AGXT2: variants seen among roughly 807,000 people sequenced by gnomAD.
The protein encoded by AGXT2 is alanine--glyoxylate aminotransferase 2, mitochondrial.
A neutral mutation model predicts 62.5 loss-of-function variants in AGXT2; 61 were observed. The ratio of observed to expected loss-of-function variants is 0.98; its 90% confidence interval spans 0.79 to 1.21. The LOEUF (loss-of-function observed/expected upper bound fraction) is 1.21, where lower values mean the gene tolerates loss of function less well. Among genes scored for constraint, AGXT2 ranks in the 50% most tolerant of loss-of-function variants. The pLI is 0.00. For missense variants in AGXT2, 666 were observed against 641.5 expected (o/e 1.04, Z -0.41); for synonymous variants, 243 against 218.7 (o/e 1.11, Z -0.98).
rs766407154 is a variant in AGXT2 at position 35,033,542 on chromosome 5, T to C, written c.593A>G (p.His198Arg). The change falls in exon 6 of 14, where the codon CAT (histidine) becomes CGT (arginine). Residue 198 changes from histidine to arginine, a missense_variant. Physicochemically the swap from His to Arg is conservative, Grantham distance 29. Transcript: ENST00000231420. The stretch of plus-strand genomic sequence containing the variant: ...GCCAAGTGTGTAAGGACTGCATCCA[T>C]GGTAGGCTCCTCTGCAGAGAAGAAA... The part of the protein sequence containing the change: ...IDIISFRGAY[H>R]GCSPYTLGLT... The C allele has an allele frequency of 4.3e-6, 7 of 1,613,418 alleles. No homozygotes were observed. The highest frequency in any genetic ancestry group is 1.1e-5 in the South Asian group (1 of 91,072).
intron 9 of AGXT2, among the ~76,000 whole-genome samples, chr5:35,014,368 G>A (rs3733826): frequency 6.9e-6 from 1 of 145,214 alleles, no homozygotes. Flanking sequence ...CAGGAGAATC[G>A]CTTGAACTCG....
At position 35,037,531 on chromosome 5, in the gene AGXT2, C is replaced by T. The variant is rs182304237; in HGVS notation, c.363-466G>A. ...CCCTCCCTCCCTTCCCCCCTTCCTC[C>T]CTTCCTCCCCTCCTTCTTTCTTTCT... is the stretch of plus-strand genomic sequence containing the variant. On this transcript the variant is annotated intron_variant, in intron 3 of 13. Coordinates refer to ENST00000231420, the MANE Select transcript of AGXT2 (RefSeq NM_031900.4). Among the ~76,000 whole-genome samples, 605 of 151,336 alleles carry T rather than the reference C, an allele frequency of 4.0e-3. 8 individuals carry two copies. The highest frequency in any genetic ancestry group is 0.025 in the Admixed American group (375 of 15,200).
chr5:35,039,228 AC>A, intron 3 of AGXT2, 95 bp downstream of exon 3: 1 of 1,402,196 alleles, frequency 7.1e-7, no homozygotes, highest in African/African-American at 1.4e-5. Flanking sequence ...ATATTTTTAA[AC>A]CAAGATAAGC....
intron 12 of AGXT2, among the ~76,000 whole-genome samples, chr5:35,004,156 T>C (rs1482228419): frequency 6.6e-6 from 1 of 152,214 alleles, no homozygotes; most frequent in African/African-American, 2.4e-5. Flanking sequence ...GCTTTGCTAA[T>C]GGCTGCCTTG....
chr5:35,000,989 A>AAC (rs1181979766), intron 13 of AGXT2, among the ~76,000 whole-genome samples: 2 of 152,256 alleles, frequency 1.3e-5, no homozygotes, highest in African/African-American at 4.8e-5. Context: ...TGAGATACTC[A>AAC]ACACTTTATT....
At chr5:35,015,785 G>A (rs1295559577) in intron 9 of AGXT2, among the ~76,000 whole-genome samples, 2 of 145,468 alleles carry the variant, frequency 1.4e-5, no homozygotes, top group Non-Finnish European at 3.0e-5. Flanking sequence ...GGGAGGCAGA[G>A]GTTGCAGTGA....
intron 9 of AGXT2, among the ~76,000 whole-genome samples, chr5:35,017,514 C>T (rs531606257): frequency 6.6e-6 from 1 of 152,256 alleles, no homozygotes; most frequent in Non-Finnish European, 1.5e-5. Flanking sequence ...TAAGGGGAAA[C>T]CCTTTTTGCT....
rs149978651 is a variant in AGXT2 at position 34,998,126 on chromosome 5, C to T, written c.*593G>A. On this transcript the variant is annotated 3_prime_UTR_variant, in exon 14 of 14. Coordinates refer to ENST00000231420, the MANE Select transcript of AGXT2 (RefSeq NM_031900.4). Reference sequence around the variant, plus strand: ...ATACAGAACAATGAATTTATTACCTCAAATATCAAGAGGCCCTGAGGTAGG... The same window carrying T: ...ATACAGAACAATGAATTTATTACCTTAAATATCAAGAGGCCCTGAGGTAGG... 1.8e-3 allele frequency: 274 copies of T among 148,994 alleles called. 1 individual carries two copies. The highest frequency in any genetic ancestry group is 0.018 in the Middle Eastern group (5 of 278). The allele number at this position is 148,994 out of a possible 1,614,324, so 9.2% of individuals were successfully genotyped here.
At chr5:35,026,226 G>A (rs1767341552) in intron 8 of AGXT2, 184 bp downstream of exon 8, 8 of 646,424 alleles carry the variant, frequency 1.2e-5, no homozygotes, top group East Asian at 2.7e-5. Flanking sequence ...GAGAATGGAG[G>A]AGAGGGTTTT....
chr5:35,026,362 G>T, intron 8 of AGXT2, 48 bp downstream of exon 8: 1 of 1,471,120 alleles, frequency 6.8e-7, no homozygotes, highest in Non-Finnish European at 9.5e-7. Context: ...AAAACTTTCT[G>T]ATAATTGAAG....
Position 35,014,099 on chromosome 5 carries a change from C to A in AGXT2, c.984G>T (p.Arg328Ser). Residue 328 changes from arginine to serine, a missense_variant, in exon 10 of 14, where the codon AGG becomes AGT. Arg to Ser is a moderately radical substitution (Grantham distance 110). Transcript: ENST00000231420. Reference protein sequence around the residue: ...IADEVQTGFGRLGSHFWGFQT... With the variant: ...IADEVQTGFGSLGSHFWGFQT... ...GGAAGCCCCAGAAGTGAGAGCCCAA[C>A]CTTCCAAATCCTGTCTGCACCTGGG... The A allele has an allele frequency of 6.2e-7, 1 of 1,614,086 alleles. No individual in the cohort carries two copies. Among genetic ancestry groups the A allele is most frequent in the Non-Finnish European group, 8.5e-7 (1 of 1,179,996 alleles).
intron 3 of AGXT2, among the ~76,000 whole-genome samples, 191 bp from the exon 4 acceptor site, chr5:35,037,256 A>G (rs1767811482): frequency 1.3e-5 from 2 of 152,208 alleles, no homozygotes; most frequent in African/African-American, 4.8e-5. Flanking sequence ...TTAAAAGGTA[A>G]TGAATTCCTC....
intron 7 of AGXT2, among the ~76,000 whole-genome samples, chr5:35,031,954 T>TAA (rs1767575268): frequency 1.7e-5 from 2 of 117,268 alleles, no homozygotes; most frequent in Non-Finnish European, 3.6e-5. Context: ...TTTTTTTTTT[T>TAA]TTTTTTTTTT....
intron 9 of AGXT2, among the ~76,000 whole-genome samples, chr5:35,021,464 C>A (rs1338656910): frequency 6.6e-6 from 1 of 150,378 alleles, no homozygotes; most frequent in African/African-American, 2.5e-5. Flanking sequence ...GAAAAACAAG[C>A]AATGGGGAAA....
At chr5:35,045,329 C>T (rs566712934) in intron 1 of AGXT2, among the ~76,000 whole-genome samples, 1 of 152,286 alleles carries the variant, frequency 6.6e-6, no homozygotes, top group South Asian at 2.1e-4. Flanking sequence ...ACAGCCCCTC[C>T]CCTCACCCCC....
In AGXT2 at chr5:35,019,753, A is replaced by C. The variant is rs1766994269; in HGVS notation, c.964-5634T>G. 2.0e-5 allele frequency among the ~76,000 whole-genome samples: 3 copies of C among 152,350 alleles called. No homozygotes were observed. In the South Asian group the frequency reaches 6.2e-4, roughly 32 times the overall value. On this transcript the variant is annotated intron_variant, in intron 9 of 13. Transcript: ENST00000231420. ...AGAACTGAAGGAAATAGAGACACAA[A>C]AAACCCTTCAAAAAATTAATGAATC... is the stretch of plus-strand genomic sequence containing the variant.
At chr5:35,014,151 C>A in intron 9 of AGXT2, 32 bp from the exon 10 acceptor site, 1 of 1,613,646 alleles carries the variant, frequency 6.2e-7, no homozygotes, top group Admixed American at 1.7e-5. Context: ...CATTGGAAAC[C>A]CTTCAAGAAA....
chr5:35,000,816 T>A (rs750810613), intron 13 of AGXT2, among the ~76,000 whole-genome samples: 3 of 152,194 alleles, frequency 2.0e-5, no homozygotes, highest in Non-Finnish European at 4.4e-5. Context: ...AACATGATCT[T>A]CAGTCATTTC....
chr5:35,042,736 C>CTGTGTGTGTG (rs66463119), intron 1 of AGXT2, among the ~76,000 whole-genome samples: 475 of 142,476 alleles, frequency 3.3e-3, no homozygotes, highest in African/African-American at 0.012. Flanking sequence ...ATATGCATAC[C>CTGTGTGTGTG]TGTGTGTGTG....
Sources: gnomAD v4.1 joint callset for allele counts (sites outside exome capture counted in the v4.1 genomes callset) on GRCh38, gnomAD v4.1.1 for gene constraint, MANE v1.5 for transcripts, NCBI Gene and HGNC (gene_info 2026-07-23, HGNC 2026-07-21) for gene names.